CRACD: variants seen among roughly 807,000 people sequenced by gnomAD.
CRACD encodes the protein capping protein inhibiting regulator of actin dynamics.
Under a neutral mutation model 106.8 loss-of-function variants are expected in CRACD, and 56 were observed. The ratio of observed to expected loss-of-function variants is 0.52; its 90% CI spans 0.42 to 0.66. The LOEUF is 0.66. CRACD is among the 30% of genes least tolerant of loss of function. The pLI, the probability that CRACD is intolerant of heterozygous loss-of-function variation, is 0.00. For missense variants in CRACD, 1,730 were observed against 1,623.2 expected (o/e 1.07, Z -1.13); for synonymous variants, 754 against 670.8 (o/e 1.12, Z -1.92).
At chr4:56,202,180 T>C (rs1290296402) in intron 2 of CRACD, among the ~76,000 whole-genome samples, 1 of 152,172 alleles carries the variant, frequency 6.6e-6, no homozygotes, top group Non-Finnish European at 1.5e-5. Flanking sequence ...TATTTCACTT[T>C]TTATTTTATG....
chr4:56,146,969 G>A (rs1310650895), intron 1 of CRACD, among the ~76,000 whole-genome samples: 1 of 152,200 alleles, frequency 6.6e-6, no homozygotes, highest in Non-Finnish European at 1.5e-5. Context: ...AGGGGTTTAA[G>A]AAAGAAAAGG....
intron 1 of CRACD, among the ~76,000 whole-genome samples, chr4:56,157,657 A>T (rs566398885): frequency 3.2e-4 from 49 of 152,276 alleles, no homozygotes; most frequent in Non-Finnish European, 5.4e-4. Context: ...GTCAAGGATG[A>T]TACTATGAAA....
At chr4:56,156,315 G>T (rs1296197457) in intron 1 of CRACD, among the ~76,000 whole-genome samples, 1 of 152,178 alleles carries the variant, frequency 6.6e-6, no homozygotes, top group Non-Finnish European at 1.5e-5. Flanking sequence ...CAGTTCAGTG[G>T]CCCTTCCTCT....
chr4:56,315,071 G>T lies in CRACD; in HGVS notation c.1569G>T (p.Arg523=). 6.2e-7 allele frequency: 1 copy of T among 1,610,398 alleles called. No individual in the cohort carries two copies. Among genetic ancestry groups the T allele is most frequent in the Non-Finnish European group, 8.5e-7 (1 of 1,179,004 alleles). The change falls in exon 8 of 11, where the codon CGG becomes CGT. Residue 523 remains arginine (R), a synonymous_variant. Coordinates refer to ENST00000682029, the MANE Select transcript of CRACD (RefSeq NM_001393381.1). The surrounding 1 kb of genome is among the most constrained non-coding windows in gnomAD (Gnocchi z 4.1). ...AAGGCCGCAAGGTGGAGGAGCTGCG[G>T]TGGCAGGAGGTGGACGAGAGACAGA... ...LEQGRKVEEL[R]WQEVDERQTM...
intron 1 of CRACD, among the ~76,000 whole-genome samples, chr4:56,064,208 G>A (rs571477764): frequency 4.5e-4 from 69 of 152,260 alleles, no homozygotes; most frequent in South Asian, 2.1e-3. Context: ...ATTTGTTGTC[G>A]AGTTGTGGGA....
intron 2 of CRACD, among the ~76,000 whole-genome samples, chr4:56,223,899 C>T (rs1286809554): frequency 6.6e-6 from 1 of 152,164 alleles, no homozygotes; most frequent in East Asian, 1.9e-4. Flanking sequence ...GCTGGGACTA[C>T]AGGCACTTGC....
rs115723468 is a variant in CRACD at position 56,232,934 on chromosome 4, G to A, written c.-188-39387G>A. Among the ~76,000 whole-genome samples the A allele has an allele frequency of 6.2e-3, 945 of 151,680 alleles. 11 individuals carry two copies. The highest frequency in any genetic ancestry group is 0.022 in the African/African-American group (902 of 41,346). On this transcript the variant is annotated intron_variant, in intron 2 of 10. Transcript: ENST00000682029. ...AGTACAGACGGGGTTTCACCATATC[G>A]AACAGGCTGGTCTTGAACTCCTGAC...
At chr4:56,213,836 C>A (rs561043652) in intron 2 of CRACD, among the ~76,000 whole-genome samples, 24 of 152,176 alleles carry the variant, frequency 1.6e-4, no homozygotes, top group South Asian at 4.1e-4. Flanking sequence ...TATGGAGAAA[C>A]CTTTTGGCTG....
intron 8 of CRACD, among the ~76,000 whole-genome samples, chr4:56,319,465 G>A (rs903717157): frequency 6.6e-6 from 1 of 151,938 alleles, no homozygotes; most frequent in African/African-American, 2.4e-5. Flanking sequence ...AAATTAGCTG[G>A]GCATGATACA....
In CRACD at chr4:56,307,847, T is replaced by G. The variant is rs946041570; in HGVS notation, c.285+148T>G. On this transcript the variant is annotated intron_variant, in intron 5 of 10. Coordinates refer to ENST00000682029, the MANE Select transcript of CRACD (RefSeq NM_001393381.1). ...GGGCTTGAGGGCACTTCCTGGTAGG[T>G]GTCCTGACCTGTAGCCAGTGAAGAG... The G allele has an allele frequency of 4.2e-6, 3 of 713,978 alleles. No individual in the cohort carries two copies. The East Asian group carries it at 8.1e-5, about 19-fold the overall frequency. 44.2% of individuals were successfully genotyped at this position (713,978 alleles called of 1,614,324 possible). A position where few individuals can be genotyped will look rare whatever the true frequency, so the allele number is the denominator to read the frequency against.
intron 2 of CRACD, among the ~76,000 whole-genome samples, chr4:56,257,753 AGAGTCTG>A (rs939707570): frequency 1.7e-4 from 26 of 152,064 alleles, no homozygotes; most frequent in Admixed American, 1.6e-3. Context: ...AGATTAACTA[AGAGTCTG>A]GTACCTTTTT....
At chr4:56,326,762 CAG>C (rs962312265) in intron 10 of CRACD, among the ~76,000 whole-genome samples, 1 of 143,712 alleles carries the variant, frequency 7.0e-6, no homozygotes, top group Non-Finnish European at 1.5e-5. Context: ...TTTTTTGAAG[CAG>C]AGTCTCTCTC....
chr4:56,213,922 T>C (rs1738532362), intron 2 of CRACD, among the ~76,000 whole-genome samples: 1 of 152,252 alleles, frequency 6.6e-6, no homozygotes, highest in South Asian at 2.1e-4. Context: ...AATACGTTTT[T>C]AGGAGAACAT....
Position 56,316,181 on chromosome 4 carries a change from A to G in CRACD, c.2679A>G (p.Lys893=). The G allele has an allele frequency of 6.2e-7, 1 of 1,614,170 alleles. No individual in the cohort carries two copies. The highest frequency in any genetic ancestry group is 2.2e-5 in the East Asian group (1 of 44,862). ...PPAAGSARGE[K]EMEGVALKHG... is the part of the protein sequence containing the mutation. ...CAGCGGGGAGCGCTCGTGGAGAGAA[A>G]GAGATGGAGGGTGTGGCCCTCAAGC... The change falls in exon 8 of 11, where the codon AAA becomes AAG. Residue 893 remains lysine, a synonymous_variant. Transcript: ENST00000682029.
intron 2 of CRACD, among the ~76,000 whole-genome samples, chr4:56,265,673 AG>A (rs1045187451): frequency 2.6e-5 from 4 of 152,172 alleles, no homozygotes; most frequent in African/African-American, 9.7e-5. Context: ...AGACTCTGAA[AG>A]GTCCCATAGT....
intron 8 of CRACD, among the ~76,000 whole-genome samples, chr4:56,317,340 C>T (rs1039904078): frequency 3.3e-5 from 5 of 152,188 alleles, no homozygotes; most frequent in African/African-American, 2.4e-5. Context: ...GACACTCACT[C>T]GTGATTCATA....
chr4:56,243,463 G>A lies in CRACD; in HGVS notation c.-188-28858G>A, dbSNP rs114603957. Among the ~76,000 whole-genome samples the A allele has an allele frequency of 4.9e-3, 748 of 152,296 alleles. 10 individuals carry two copies. In the South Asian group the frequency reaches 0.051, roughly 10 times the overall value. On this transcript the variant is annotated intron_variant, in intron 2 of 10. Coordinates refer to ENST00000682029, the MANE Select transcript of CRACD (RefSeq NM_001393381.1). ...GAACTCCTAACTTGTTTGAGTCACTGTATTTTGGAGCCTCTTTTTTGTAGC... is the reference window on the plus strand; with the variant it reads ...GAACTCCTAACTTGTTTGAGTCACTATATTTTGGAGCCTCTTTTTTGTAGC...
chr4:56,134,946 T>A (rs11133423), intron 1 of CRACD, among the ~76,000 whole-genome samples: 1 of 151,190 alleles, frequency 6.6e-6, no homozygotes, highest in Non-Finnish European at 1.5e-5. Flanking sequence ...TTTTTTTTTT[T>A]CCCCTAAATA....
chr4:56,076,388 A>G (rs1183038257), intron 1 of CRACD, among the ~76,000 whole-genome samples: 7 of 152,224 alleles, frequency 4.6e-5, no homozygotes, highest in Non-Finnish European at 7.3e-5. Flanking sequence ...GGAGCACTGA[A>G]GTAGAGTAAC....
Sources: allele counts gnomAD v4.1 joint callset (sites outside exome capture counted in the v4.1 genomes callset), GRCh38; gene constraint gnomAD v4.1.1; non-coding constraint Gnocchi (gnomAD v3.1); transcripts MANE v1.5; gene names NCBI Gene and HGNC (gene_info 2026-07-23, HGNC 2026-07-21).